The following GRM7 variants were observed in gnomAD, a reference collection of about 807,000 sequenced individuals.
GRM7 encodes glutamate metabotropic receptor 7, also known as metabotropic glutamate receptor 7.
GRM7 carries 35 observed loss-of-function variants against 84.5 expected under a neutral mutation model. The observed-to-expected ratio is 0.41, with a 90% confidence interval of 0.32 to 0.55. The LOEUF is 0.55. Among genes scored for constraint, GRM7 ranks in the 20% least tolerant of loss-of-function variants. The pLI is 0.19. For missense variants in GRM7, 1,003 were observed against 1,194.6 expected (o/e 0.84, Z 2.36); for synonymous variants, 487 against 455.1 (o/e 1.07, Z -0.89).
chr3:7,459,031 A>G (rs996812014), intron 6 of GRM7, among the ~76,000 whole-genome samples: 1 of 152,152 alleles, frequency 6.6e-6, no homozygotes, highest in Non-Finnish European at 1.5e-5. Context: ...TTTTCTTCCT[A>G]TACTGGAAAG....
At chr3:7,181,354 C>T (rs1309502386) in intron 2 of GRM7, among the ~76,000 whole-genome samples, 2 of 152,134 alleles carry the variant, frequency 1.3e-5, no homozygotes, top group African/African-American at 4.8e-5. Context: ...TAAGGGTTCT[C>T]TTTTCCTCTC....
intron 9 of GRM7, among the ~76,000 whole-genome samples, chr3:7,734,548 G>A (rs2106529360): frequency 6.6e-6 from 1 of 152,258 alleles, no homozygotes; most frequent in Middle Eastern, 3.4e-3. Context: ...ATCCAGATTT[G>A]GGAGTTTTTG....
At chr3:7,396,523 G>A (rs995170573) in intron 4 of GRM7, among the ~76,000 whole-genome samples, 8 of 152,064 alleles carry the variant, frequency 5.3e-5, no homozygotes, top group South Asian at 4.2e-4. Context: ...ATTTGCCCAT[G>A]TTTTATATTT....
Position 6,907,437 on chromosome 3 carries a change from A to C in GRM7, c.519+45530A>C, listed in dbSNP as rs9837980. ...GTAACAGTCTGATCTCTAGTTCAAA[A>C]TTATTGGCAAGAAGCGGTGCTTTAA... On this transcript the variant is annotated intron_variant, in intron 1 of 9. Coordinates refer to ENST00000357716, the MANE Select transcript of GRM7 (RefSeq NM_000844.4). Among the ~76,000 whole-genome samples the C allele has an allele frequency of 8.6e-3, 1,309 of 152,292 alleles. 16 individuals carry two copies. The highest frequency in any genetic ancestry group is 0.03 in the African/African-American group (1,240 of 41,566).
intron 2 of GRM7, among the ~76,000 whole-genome samples, chr3:7,263,207 A>G (rs562623959): frequency 9.2e-5 from 14 of 152,218 alleles, no homozygotes; most frequent in African/African-American, 3.4e-4. Context: ...TCAGCTCAGA[A>G]CTCCTGGACT....
chr3:7,142,198 G>A (rs991811803), intron 1 of GRM7, among the ~76,000 whole-genome samples: 1 of 151,588 alleles, frequency 6.6e-6, no homozygotes, highest in African/African-American at 2.4e-5. Flanking sequence ...GAGGATGGAA[G>A]GAAGGGAAGG....
At position 6,861,982 on chromosome 3, in the gene GRM7, T is replaced by G. The variant is rs1177635304; in HGVS notation, c.519+75T>G. ...CTTAACCCTAAAAGCTGGCTTGGAC[T>G]CCGGTGGTGCGGGTCAGGTCAGCCT... is the stretch of plus-strand genomic sequence containing the variant. On this transcript the variant is annotated intron_variant, in intron 1 of 9. Coordinates refer to ENST00000357716, the MANE Select transcript of GRM7 (RefSeq NM_000844.4). This position sits in a 1 kb window ranked among gnomAD's most constrained non-coding sequence, Gnocchi z 6.4. 3.1e-6 allele frequency: 4 copies of G among 1,285,974 alleles called. No homozygotes were observed. Among genetic ancestry groups the G allele is most frequent in the South Asian group, 2.8e-5 (2 of 71,580 alleles). The allele number at this position is 1,285,974 out of a possible 1,614,324, so 79.7% of individuals were successfully genotyped here. A position where few individuals can be genotyped will look rare whatever the true frequency, so the allele number is the denominator to read the frequency against.
chr3:7,515,596 G>C (rs1027189114), intron 7 of GRM7, among the ~76,000 whole-genome samples: 1 of 152,134 alleles, frequency 6.6e-6, no homozygotes, highest in Non-Finnish European at 1.5e-5. Context: ...GGCTATGATG[G>C]TTATCCTTTT....
chr3:7,643,898 A>G (rs1244643409), intron 8 of GRM7, among the ~76,000 whole-genome samples: 1 of 152,018 alleles, frequency 6.6e-6, no homozygotes, highest in African/African-American at 2.4e-5. Context: ...TGTATGTGAG[A>G]TATGAATAAT....
intron 5 of GRM7, among the ~76,000 whole-genome samples, chr3:7,421,142 T>C (rs1010742884): frequency 1.4e-4 from 21 of 152,328 alleles, no homozygotes; most frequent in African/African-American, 4.8e-4. Flanking sequence ...CACTTAAATA[T>C]GAAAGTTTAT....
intron 8 of GRM7, among the ~76,000 whole-genome samples, chr3:7,612,617 G>A (rs565450537): frequency 6.6e-6 from 1 of 152,298 alleles, no homozygotes; most frequent in East Asian, 1.9e-4. Flanking sequence ...ACACTGGGCT[G>A]GCATGAAGTT....
At chr3:7,298,521 T>C (rs1699889439) in intron 2 of GRM7, 163 bp from the exon 3 acceptor site, 2 of 603,304 alleles carry the variant, frequency 3.3e-6, no homozygotes, top group Non-Finnish European at 5.9e-6. Flanking sequence ...ATGAACAACA[T>C]CTCAGGACTC....
chr3:7,165,675 G>C (rs1001998041), intron 2 of GRM7, among the ~76,000 whole-genome samples: 1 of 152,018 alleles, frequency 6.6e-6, no homozygotes, highest in Non-Finnish European at 1.5e-5. Flanking sequence ...CATGACATTT[G>C]GGAAAAAATG....
chr3:7,206,541 CT>C (rs1277777287), intron 2 of GRM7, among the ~76,000 whole-genome samples: 1 of 152,206 alleles, frequency 6.6e-6, no homozygotes, highest in Non-Finnish European at 1.5e-5. Context: ...AGCCAACCTC[CT>C]TTATTCCCTG....
chr3:7,540,485 A>T (rs1315261260), intron 7 of GRM7, among the ~76,000 whole-genome samples: 1 of 152,204 alleles, frequency 6.6e-6, no homozygotes, highest in East Asian at 1.9e-4. Flanking sequence ...TACCCAAAAA[A>T]CATATATGAA....
intron 1 of GRM7, among the ~76,000 whole-genome samples, chr3:6,975,542 T>A (rs560269078): frequency 6.6e-6 from 1 of 152,134 alleles, no homozygotes; most frequent in Non-Finnish European, 1.5e-5. Context: ...CTTAAAACGT[T>A]TTATATCATG....
chr3:7,024,489 G>A (rs1236242770), intron 1 of GRM7, among the ~76,000 whole-genome samples: 1 of 152,216 alleles, frequency 6.6e-6, no homozygotes, highest in Non-Finnish European at 1.5e-5. Flanking sequence ...ATAGTAGGAG[G>A]TGGTGTTTGA....
intron 4 of GRM7, among the ~76,000 whole-genome samples, chr3:7,410,868 T>A (rs1476054005): frequency 1.3e-5 from 2 of 152,148 alleles, no homozygotes; most frequent in Non-Finnish European, 2.9e-5. Flanking sequence ...ACATAAAAAA[T>A]GGCTACAAAT....
chr3:7,531,746 C>T (rs903658110), intron 7 of GRM7, among the ~76,000 whole-genome samples: 3 of 152,160 alleles, frequency 2.0e-5, no homozygotes, highest in Non-Finnish European at 2.9e-5. Flanking sequence ...ATGTAATCTG[C>T]AAACAGAGAC....
Sources: gnomAD v4.1 joint callset for allele counts (sites outside exome capture counted in the v4.1 genomes callset) on GRCh38, gnomAD v4.1.1 for gene constraint, Gnocchi (gnomAD v3.1) non-coding constraint, MANE v1.5 for transcripts, NCBI Gene and HGNC (gene_info 2026-07-23, HGNC 2026-07-21) for gene names.